USP34: variants seen among roughly 807,000 people sequenced by gnomAD.
The protein encoded by USP34 is ubiquitin specific peptidase 34, also known as ubiquitin carboxyl-terminal hydrolase 34.
Under a neutral mutation model 460.3 loss-of-function variants are expected in USP34, and 70 were observed. The ratio of observed to expected loss-of-function variants is 0.15; its 90% CI spans 0.13 to 0.19. USP34 has a LOEUF of 0.19. Among genes scored for constraint, USP34 ranks in the 10% least tolerant of loss-of-function variants. The pLI, the probability that USP34 is intolerant of heterozygous loss-of-function variation, is 1.00. For missense variants in USP34, 3,985 were observed against 4,236.2 expected (o/e 0.94, Z 1.65); for synonymous variants, 1,647 against 1,405.3 (o/e 1.17, Z -3.85).
chr2:61,365,256 T>TACACACACACAC (rs34689463), intron 10 of USP34, among the ~76,000 whole-genome samples: 5,296 of 142,356 alleles, frequency 0.037, 197 homozygotes, highest in African/African-American at 0.093. Flanking sequence ...CATTTCAAAA[T>TACACACACACAC]ACACACACAC....
chr2:61,293,680 C>T (rs7566035), intron 32 of USP34, 130 bp from the exon 33 acceptor site: 212,174 of 612,914 alleles, frequency 0.35, 37,993 homozygotes, highest in South Asian at 0.37. Flanking sequence ...TTTAAATTAC[C>T]AAAATAATTT....
At chr2:61,277,761 A>C (rs138648677) in intron 41 of USP34, 1 of 159,776 alleles carries the variant, frequency 6.3e-6, no homozygotes, top group Admixed American at 6.3e-5. Context: ...ATCTTGAATT[A>C]TATTGCCTAT....
chr2:61,364,101 C>T (rs1484324523), intron 10 of USP34, among the ~76,000 whole-genome samples: 3 of 152,178 alleles, frequency 2.0e-5, no homozygotes, highest in Non-Finnish European at 2.9e-5. Context: ...AACAGCTGAG[C>T]ATGGTGGCTC....
chr2:61,465,933 C>T (rs909292616), intron 1 of USP34, among the ~76,000 whole-genome samples: 1 of 151,442 alleles, frequency 6.6e-6, no homozygotes, highest in African/African-American at 2.4e-5. Context: ...GCAGAGATGG[C>T]GCCACTGCAC....
chr2:61,317,346 G>T (rs1690780603), intron 23 of USP34, among the ~76,000 whole-genome samples: 1 of 152,130 alleles, frequency 6.6e-6, no homozygotes, highest in East Asian at 1.9e-4. Flanking sequence ...GAGTAACATG[G>T]TAAAACCCTG....
chr2:61,307,166 G>T (rs1298405945), intron 27 of USP34, among the ~76,000 whole-genome samples: 1 of 152,016 alleles, frequency 6.6e-6, no homozygotes, highest in Non-Finnish European at 1.5e-5. Flanking sequence ...TCCTTTGTAG[G>T]GACATGGATG....
At chr2:61,451,673 A>G (rs915519942) in intron 1 of USP34, among the ~76,000 whole-genome samples, 2 of 148,804 alleles carry the variant, frequency 1.3e-5, no homozygotes, top group East Asian at 3.9e-4. Flanking sequence ...CAAGAGCGAA[A>G]CCCCGCCTCA....
At chr2:61,349,418 C>G in intron 12 of USP34, 133 bp from the exon 13 acceptor site, 1 of 812,538 alleles carries the variant, frequency 1.2e-6, no homozygotes, top group South Asian at 1.9e-5. Context: ...TAAGTCCCCA[C>G]CACCTACAGT....
rs765091478 is a variant in USP34 at position 61,228,923 on chromosome 2, C to A, written c.7272G>T (p.Leu2424=). The change falls in exon 60 of 80, where the codon CTG becomes CTT. Residue 2424 remains leucine (L), a synonymous_variant. Transcript: ENST00000398571. ...RSCVTRFVRT[L]LLIMEHGVKP... Reference sequence around the variant, plus strand: ...TTACACCATGTTCCATAATTAATAACAGGGTTCTCACAAAGCGAGTGACAC... The same window carrying A: ...TTACACCATGTTCCATAATTAATAAAAGGGTTCTCACAAAGCGAGTGACAC... 3.1e-6 allele frequency: 5 copies of A among 1,610,518 alleles called. No individual in the cohort carries two copies. Among genetic ancestry groups the A allele is most frequent in the Non-Finnish European group, 4.2e-6 (5 of 1,178,214 alleles).
chr2:61,195,533 G>A (rs1208291641), intron 75 of USP34, among the ~76,000 whole-genome samples: 1 of 151,698 alleles, frequency 6.6e-6, no homozygotes, highest in East Asian at 2.0e-4. Context: ...TTAGCCAGGC[G>A]TGGTGGCACG....
chr2:61,278,590 C>A (rs1444188973), intron 39 of USP34, 147 bp from the exon 40 acceptor site: 1 of 602,206 alleles, frequency 1.7e-6, no homozygotes, highest in East Asian at 3.0e-5. Flanking sequence ...CTACTCTTTA[C>A]TTATACATTA....
chr2:61,331,476 A>C (rs955890686), intron 19 of USP34, 105 bp from the exon 20 acceptor site: 4 of 886,796 alleles, frequency 4.5e-6, no homozygotes, highest in Admixed American at 3.6e-5. Context: ...TTCAAATGTA[A>C]AATTTTAGTT....
chr2:61,334,002 T>TACTAAAA, intron 18 of USP34, 31 bp from the exon 19 acceptor site: 1 of 1,464,754 alleles, frequency 6.8e-7, no homozygotes, highest in Non-Finnish European at 9.3e-7. Context: ...ACAAAATAAT[T>TACTAAAA]TTAGTAATTC....
chr2:61,297,340 C>T (rs1690059655), intron 29 of USP34, among the ~76,000 whole-genome samples: 1 of 152,188 alleles, frequency 6.6e-6, no homozygotes, highest in Admixed American at 6.5e-5. Context: ...GAGCCTGTTT[C>T]TCTTATGTTG....
intron 1 of USP34, among the ~76,000 whole-genome samples, chr2:61,421,809 G>A (rs965826384): frequency 2.0e-5 from 3 of 152,048 alleles, no homozygotes; most frequent in Middle Eastern, 3.4e-3. Context: ...GCGCGCGCGC[G>A]CACCTTCTAC....
At chr2:61,426,773 T>A (rs1038383722) in intron 1 of USP34, among the ~76,000 whole-genome samples, 1 of 152,168 alleles carries the variant, frequency 6.6e-6, no homozygotes, top group Non-Finnish European at 1.5e-5. Context: ...ATAGTCCTAA[T>A]TTCAAGACTG....
intron 1 of USP34, among the ~76,000 whole-genome samples, chr2:61,446,463 A>G (rs192306838): frequency 1.3e-5 from 2 of 152,314 alleles, no homozygotes; most frequent in Admixed American, 1.3e-4. Flanking sequence ...TTGTAATATG[A>G]AAACTGAAAT....
chr2:61,354,531 GA>G (rs1451876577), intron 10 of USP34, among the ~76,000 whole-genome samples: 1 of 152,172 alleles, frequency 6.6e-6, no homozygotes, highest in African/African-American at 2.4e-5. Context: ...CACTAAATGG[GA>G]GAAGGGGACA....
chr2:61,204,215 T>G (rs1687053360), intron 74 of USP34, 41 bp downstream of exon 74: 1 of 1,612,048 alleles, frequency 6.2e-7, no homozygotes, highest in African/African-American at 1.3e-5. Flanking sequence ...CAAATTACTT[T>G]GTACTATAGC....
Sources: gnomAD v4.1 joint callset for allele counts (sites outside exome capture counted in the v4.1 genomes callset) on GRCh38, gnomAD v4.1.1 for gene constraint, MANE v1.5 for transcripts, NCBI Gene and HGNC (gene_info 2026-07-23, HGNC 2026-07-21) for gene names.